Variants in NONO observed in about 807,000 individuals in gnomAD.
NONO encodes the protein non-POU domain-containing octamer-binding protein.
A neutral mutation model predicts 40.2 loss-of-function variants in NONO; 6 were observed. That is an observed-to-expected ratio of 0.15 (90% CI 0.08 to 0.29). The LOEUF (loss-of-function observed/expected upper bound fraction) is 0.29, where lower values mean the gene tolerates loss of function less well. Ranked by LOEUF, NONO falls within the 10% of genes least tolerant of loss-of-function variation. The pLI, the probability that NONO is intolerant of heterozygous loss-of-function variation, is 1.00. For synonymous variants in NONO, 89 were observed against 123.3 expected, an observed-to-expected ratio of 0.72 and a Z score of 1.85; for missense variants, 133 against 397.8, an observed-to-expected ratio of 0.33 and a Z score of 5.66.
At chrX:71,291,572 C>G (rs922476488) in intron 3 of NONO, among the ~76,000 whole-genome samples, 4 of 111,611 alleles carry the variant, frequency 3.6e-5, no homozygotes, top group South Asian at 3.7e-4. Flanking sequence ...TCTGGCCCGT[C>G]GTAGAGCTGT....
chrX:71,296,494 A>G, intron 5 of NONO, 71 bp from the exon 6 acceptor site: 1 of 684,692 alleles, frequency 1.5e-6, no homozygotes, highest in Non-Finnish European at 2.2e-6. Flanking sequence ...TCATTGTGCC[A>G]GTGACATGTG....
rs11544186 is a variant in NONO, at chrX:71,300,325, A to G, written c.*249A>G. 2.7e-3 allele frequency: 997 copies of G among 373,265 alleles called. 8 individuals carry two copies. Among genetic ancestry groups the G allele is most frequent in the African/African-American group, 0.024 (914 of 38,133 alleles). 30.8% of individuals were successfully genotyped at this position (373,265 alleles called of 1,213,427 possible). A position where few individuals can be genotyped will look rare whatever the true frequency, so the allele number is the denominator to read the frequency against. On this transcript the variant is annotated 3_prime_UTR_variant, in exon 12 of 12. Coordinates refer to ENST00000276079, the MANE Select transcript of NONO (RefSeq NM_007363.5). ...CCTGAAGTCTCTAATGTGACTGTTG[A>G]GGGCCTGGGGAAACCATGGCAAAGT...
chrX:71,285,699 G>A (rs1425814813), intron 2 of NONO, among the ~76,000 whole-genome samples: 1 of 111,976 alleles, frequency 8.9e-6, no homozygotes, highest in Admixed American at 9.5e-5. Flanking sequence ...GAATATACAA[G>A]GGTGCATTAT....
chrX:71,300,000 T>C lies in NONO; in HGVS notation c.1340T>C (p.Ile447Thr). 3.3e-6 allele frequency: 4 copies of C among 1,211,179 alleles called. No individual in the cohort carries two copies. The highest frequency in any genetic ancestry group is 4.5e-6 in the Non-Finnish European group (4 of 894,995). Reference protein sequence around the residue: ...QAATMEGIGAIGGTPPAFNRA... With the variant: ...QAATMEGIGATGGTPPAFNRA... ...GCTACAATGGAAGGAATTGGGGCAA[T>C]TGGTGGAACTCCTCCTGCATTCAAC... is the stretch of plus-strand genomic sequence containing the variant. Residue 447 changes from isoleucine (I) to threonine (T), a missense_variant, in exon 12 of 12, where the codon ATT becomes ACT. Coordinates refer to ENST00000276079, the MANE Select transcript of NONO (RefSeq NM_007363.5).
At position 71,290,797 on chromosome X, in the gene NONO, T is replaced by C; in HGVS notation, c.154+6T>C. 1 of 1,145,324 alleles carries C rather than the reference T, an allele frequency of 8.7e-7. No homozygotes were observed. The highest frequency in any genetic ancestry group is 1.2e-6 in the Non-Finnish European group (1 of 861,975). 94.4% of individuals were successfully genotyped at this position (1,145,324 alleles called of 1,213,427 possible). A position where few individuals can be genotyped will look rare whatever the true frequency, so the allele number is the denominator to read the frequency against. On this transcript the variant is annotated splice_donor_region_variant and intron_variant, in intron 3 of 11. Coordinates refer to ENST00000276079, the MANE Select transcript of NONO (RefSeq NM_007363.5). Reference sequence around the variant, plus strand: ...GCAACAGGCCAGCAGCCAAAGTGTGTATATGCTAGGTGATGGAGTAGAAAT... The same window carrying C: ...GCAACAGGCCAGCAGCCAAAGTGTGCATATGCTAGGTGATGGAGTAGAAAT...
intron 5 of NONO, 128 bp from the exon 6 acceptor site, chrX:71,296,437 T>G: frequency 4.2e-6 from 2 of 471,134 alleles, no homozygotes; most frequent in East Asian, 8.0e-5. Context: ...TATAATGTCA[T>G]TAGGTATAAA....
rs908194122 is a variant in NONO at position 71,300,988 on chromosome X, G to C, written c.*912G>C. The C allele has an allele frequency of 6.4e-6, 1 of 155,801 alleles. No individual in the cohort carries two copies. The highest frequency in any genetic ancestry group is 1.2e-5 in the Non-Finnish European group (1 of 80,158). 12.8% of individuals were successfully genotyped at this position (155,801 alleles called of 1,213,427 possible). A position where few individuals can be genotyped will look rare whatever the true frequency, so the allele number is the denominator to read the frequency against. ...GGCCTAGTACAATCTTGGGAACAGG[G>C]TTACTGTATACTGAAGGTCTGACAG... is the stretch of plus-strand genomic sequence containing the variant. On this transcript the variant is annotated 3_prime_UTR_variant, in exon 12 of 12. Coordinates refer to ENST00000276079, the MANE Select transcript of NONO (RefSeq NM_007363.5).
intron 2 of NONO, among the ~76,000 whole-genome samples, chrX:71,288,119 CTTTTTT>C (rs41517053): frequency 6.7e-4 from 36 of 53,856 alleles, no homozygotes; most frequent in Non-Finnish European, 9.7e-4. Context: ...TTATTTTTAT[CTTTTTT>C]TTTTTTTTTT....
chrX:71,298,607 T>C (rs2031505339), intron 10 of NONO, 99 bp downstream of exon 10: 4 of 1,051,427 alleles, frequency 3.8e-6, no homozygotes, highest in Non-Finnish European at 5.3e-6. Context: ...GTGACATATA[T>C]GTCTTACTTA....
At chrX:71,288,775 T>A (rs2031257608) in intron 2 of NONO, among the ~76,000 whole-genome samples, 2 of 112,930 alleles carry the variant, frequency 1.8e-5, no homozygotes, top group Admixed American at 1.9e-4. Context: ...GTGTACTGTA[T>A]GCCAGTAGTG....
chrX:71,297,175 G>C (rs2031470919), intron 7 of NONO, 128 bp downstream of exon 7: 1 of 705,218 alleles, frequency 1.4e-6, no homozygotes, highest in African/African-American at 2.2e-5. Context: ...GATTTTGGTA[G>C]ATAAATAGGC....
rs34459863 is a variant in NONO, at chrX:71,300,387, GT to G, written c.*325del. Reference sequence around the variant, plus strand: ...GAGCCCATTAATCTTGATCATTCCGGTTTTTTTTTTTTTTGTCCATCTTGTT... The same window carrying G: ...GAGCCCATTAATCTTGATCATTCCGGTTTTTTTTTTTTTGTCCATCTTGTT... On this transcript the variant is annotated 3_prime_UTR_variant, in exon 12 of 12. Transcript: ENST00000276079. 0.03 allele frequency: 6,835 copies of G among 227,757 alleles called. 1 individual carries two copies. Among genetic ancestry groups the G allele is most frequent in the Non-Finnish European group, 0.036 (4,702 of 130,744 alleles). The allele number at this position is 227,757 out of a possible 1,213,427, so 18.8% of individuals were successfully genotyped here. A position where few individuals can be genotyped will look rare whatever the true frequency, so the allele number is the denominator to read the frequency against.
chrX:71,297,466 CT>C lies in NONO; in HGVS notation c.1028+9del. 8.7e-7 allele frequency: 1 copy of C among 1,155,570 alleles called. No homozygotes were observed. The highest frequency in any genetic ancestry group is 1.2e-6 in the Non-Finnish European group (1 of 860,986). ...ACGAAAGCAACTGGAGCTCAGGTAA[CT>C]TTTCTCGAACACTTTTTCCCTAACA... On this transcript the variant is annotated splice_donor_region_variant and intron_variant, in intron 8 of 11. Coordinates refer to ENST00000276079, the MANE Select transcript of NONO (RefSeq NM_007363.5).
In NONO at chrX:71,301,043, T is replaced by G. The variant is rs1427296249; in HGVS notation, c.*967T>G. 1 of 151,322 alleles carries G rather than the reference T, an allele frequency of 6.6e-6. No homozygotes were observed. The highest frequency in any genetic ancestry group is 1.3e-5 in the Non-Finnish European group (1 of 77,107). The allele number at this position is 151,322 out of a possible 1,213,427, so 12.5% of individuals were successfully genotyped here. ...TCTTAGACTCGCCTATCTTAGGTAG[T>G]CATGCTGTGCATTTTTTTTTTCATT... On this transcript the variant is annotated 3_prime_UTR_variant, in exon 12 of 12. Transcript: ENST00000276079.
chrX:71,295,504 G>A (rs1569240341), intron 5 of NONO, among the ~76,000 whole-genome samples: 1 of 110,387 alleles, frequency 9.1e-6, no homozygotes, highest in African/African-American at 3.3e-5. Flanking sequence ...AAAGACTTTT[G>A]GTATTAGCCT....
rs376243126 is a variant in NONO, at chrX:71,291,986, G to A, written c.348+14G>A. 1 of 1,113,881 alleles carries A rather than the reference G, an allele frequency of 9.0e-7. No homozygotes were observed. Among genetic ancestry groups the A allele is most frequent in the African/African-American group, 1.8e-5 (1 of 54,218 alleles). 91.8% of individuals were successfully genotyped at this position (1,113,881 alleles called of 1,213,427 possible). ...TTTATCCGCTTGGTGAGCAACTGTT[G>A]GCTTTTGAGGCATGTGCTCTAAAGG... is the stretch of plus-strand genomic sequence containing the variant. On this transcript the variant is annotated intron_variant, in intron 4 of 11. Transcript: ENST00000276079.
intron 5 of NONO, among the ~76,000 whole-genome samples, chrX:71,295,781 A>G (rs1180449787): frequency 9.0e-6 from 1 of 110,914 alleles, no homozygotes; most frequent in East Asian, 2.8e-4. Context: ...ACAGAGGAAG[A>G]CTCCGTTTCC....
At chrX:71,285,177 C>T (rs1029807983) in intron 2 of NONO, 8 of 112,195 alleles carry the variant, frequency 7.1e-5, no homozygotes, top group East Asian at 2.8e-4. Context: ...TGGGCCTCTC[C>T]GGGGCCAGGG....
At chrX:71,290,974 CAT>C (rs1166741555) in intron 3 of NONO, among the ~76,000 whole-genome samples, 183 bp downstream of exon 3, 13 of 112,601 alleles carry the variant, frequency 1.2e-4, no homozygotes, top group Admixed American at 6.6e-4. Context: ...AAGGAGCAAA[CAT>C]GTATGACAGC....
Sources: allele counts gnomAD v4.1 joint callset (sites outside exome capture counted in the v4.1 genomes callset), GRCh38; gene constraint gnomAD v4.1.1; transcripts MANE v1.5; gene names NCBI Gene and HGNC (gene_info 2026-07-23, HGNC 2026-07-21).